The following DDX50 variants were observed in gnomAD, a reference collection of about 807,000 sequenced individuals.
The protein encoded by DDX50 is DExD-box helicase 50.
In DDX50, 56 loss-of-function variants were observed where a neutral mutation model predicts 94.8. The observed-to-expected ratio is 0.59, with a 90% CI of 0.48 to 0.74. The LOEUF (loss-of-function observed/expected upper bound fraction) is 0.74, where lower values mean the gene tolerates loss of function less well. DDX50 is among the 30% of genes least tolerant of loss of function. The pLI, the probability that DDX50 is intolerant of heterozygous loss-of-function variation, is 0.00. For missense variants in DDX50, 713 were observed against 881.2 expected, an observed-to-expected ratio of 0.81 and a Z score of 2.42; for synonymous variants, 264 against 295.4, an observed-to-expected ratio of 0.89 and a Z score of 1.09.
At position 68,941,061 on chromosome 10, in the gene DDX50, G is replaced by A; in HGVS notation, c.1757G>A (p.Gly586Glu). The change falls in exon 13 of 15, where the codon GGG (glycine) becomes GAG (glutamate). Residue 586 changes from glycine to glutamate, a missense_variant and splice_region_variant. Around this residue, in one of 2 missense-constraint regions of DDX50, gnomAD observed 428 missense variants for 602.3 expected, o/e 0.71. Transcript: ENST00000373585. ...EPRSLITSDK[G>E]FVTMTLESLE... Reference sequence around the variant, plus strand: ...ATAATGTGGTTTTTATTCCTTAAGGGGTTTGTGACCATGACTCTGGAAAGC... The same window carrying A: ...ATAATGTGGTTTTTATTCCTTAAGGAGTTTGTGACCATGACTCTGGAAAGC... The A allele has an allele frequency of 6.2e-7, 1 of 1,605,444 alleles. No individual in the cohort carries two copies. Among genetic ancestry groups the A allele is most frequent in the Non-Finnish European group, 8.5e-7 (1 of 1,178,266 alleles).
At chr10:68,904,115 A>G (rs905755570) in intron 1 of DDX50, among the ~76,000 whole-genome samples, 11 of 151,586 alleles carry the variant, frequency 7.3e-5, no homozygotes, top group African/African-American at 2.7e-4. Context: ...TTGCACACCA[A>G]TCTGGGCAAC....
chr10:68,933,319 C>G lies in DDX50; in HGVS notation c.1240-880C>G, dbSNP rs1277522331. ...TCCTGACCTCGGGTGATCTGCCTGT[C>G]TCGGCCTCCCAGAGTGCTGGGATTA... is the stretch of plus-strand genomic sequence containing the variant. On this transcript the variant is annotated intron_variant, in intron 8 of 14. Transcript: ENST00000373585. Among the ~76,000 whole-genome samples the G allele has an allele frequency of 4.6e-5, 7 of 152,098 alleles. No individual in the cohort carries two copies. The East Asian group carries it at 1.3e-3, about 29-fold the overall frequency.
chr10:68,919,581 A>T (rs1489063736), intron 7 of DDX50, among the ~76,000 whole-genome samples: 2 of 152,078 alleles, frequency 1.3e-5, no homozygotes, highest in African/African-American at 4.8e-5. Context: ...ATATTGTTCC[A>T]TGTATATCAG....
At chr10:68,910,098 G>C (rs1326876678) in intron 2 of DDX50, among the ~76,000 whole-genome samples, 1 of 152,040 alleles carries the variant, frequency 6.6e-6, no homozygotes, top group African/African-American at 2.4e-5. Context: ...GCTGAGGTTG[G>C]TAGGATTTGA....
intron 12 of DDX50, 125 bp downstream of exon 12, chr10:68,937,220 C>G: frequency 9.5e-7 from 1 of 1,053,424 alleles, no homozygotes; most frequent in Admixed American, 3.3e-5. Flanking sequence ...AGAAACTGGT[C>G]TCCTTATTTT....
chr10:68,930,358 T>G (rs1359033027), intron 8 of DDX50, among the ~76,000 whole-genome samples: 1 of 152,104 alleles, frequency 6.6e-6, no homozygotes, highest in African/African-American at 2.4e-5. Flanking sequence ...CCTCAGGTAA[T>G]CCACCCGCCT....
intron 8 of DDX50, among the ~76,000 whole-genome samples, chr10:68,929,328 TTTCTTTCC>T (rs1312500573): frequency 6.7e-6 from 1 of 149,156 alleles, no homozygotes; most frequent in Non-Finnish European, 1.5e-5. Context: ...TTTCTCTTTC[TTTCTTTCC>T]TTCCTTCCTT....
At chr10:68,904,783 G>A (rs1242667066) in intron 1 of DDX50, among the ~76,000 whole-genome samples, 1 of 152,212 alleles carries the variant, frequency 6.6e-6, no homozygotes, top group Non-Finnish European at 1.5e-5. Context: ...TTATTTTTCT[G>A]TAGAACCTAT....
chr10:68,936,077 C>A lies in DDX50; in HGVS notation c.1593C>A (p.Ile531=). The change falls in exon 11 of 15, where the codon ATC becomes ATA. Residue 531 remains isoleucine, a splice_region_variant and synonymous_variant. Coordinates refer to ENST00000373585, the MANE Select transcript of DDX50 (RefSeq NM_024045.2). The part of the protein sequence containing the change: ...DLVKSKSMDA[I]RSLASVSYAA... ...TTAAATCTAAAAGCATGGATGCCAT[C>A]AGGTATGCTTTCTGAACTTGCTGAA... 6.2e-7 allele frequency: 1 copy of A among 1,608,400 alleles called. No individual in the cohort carries two copies.
intron 12 of DDX50, 42 bp from the exon 13 acceptor site, chr10:68,941,018 G>A: frequency 1.3e-6 from 2 of 1,585,168 alleles, no homozygotes; most frequent in South Asian, 2.3e-5. Context: ...TTGTACTGCT[G>A]CTGATTTATT....
At position 68,913,583 on chromosome 10, in the gene DDX50, C is replaced by G. The variant is rs1198804269; in HGVS notation, c.943+7C>G. On this transcript the variant is annotated splice_region_variant and intron_variant, in intron 6 of 14. Transcript: ENST00000373585. ...CATGAATCCTACAAAACTGGTATATCCTAATTCAAAATAAGCACATTAGCA... is the reference window on the plus strand; with the variant it reads ...CATGAATCCTACAAAACTGGTATATGCTAATTCAAAATAAGCACATTAGCA... 1 of 1,596,482 alleles carries G rather than the reference C, an allele frequency of 6.3e-7. No homozygotes were observed. The highest frequency in any genetic ancestry group is 1.3e-5 in the African/African-American group (1 of 74,342).
At chr10:68,908,912 C>T (rs1841548119) in intron 2 of DDX50, among the ~76,000 whole-genome samples, 1 of 152,240 alleles carries the variant, frequency 6.6e-6, no homozygotes, top group Middle Eastern at 3.4e-3. Context: ...TCCCAAAGTG[C>T]TGGGATTACA....
At chr10:68,915,639 C>T (rs1168262863) in intron 7 of DDX50, among the ~76,000 whole-genome samples, 1 of 151,434 alleles carries the variant, frequency 6.6e-6, no homozygotes, top group Non-Finnish European at 1.5e-5. Flanking sequence ...TTGCTTGAAC[C>T]CGGGAGGCGG....
chr10:68,946,288 C>G, intron 14 of DDX50, 64 bp from the exon 15 acceptor site: 2 of 1,522,574 alleles, frequency 1.3e-6, no homozygotes, highest in Non-Finnish European at 1.8e-6. Flanking sequence ...TCTTCTTGTA[C>G]TTAACATGTT....
At chr10:68,911,435 T>C (rs1257288561) in intron 4 of DDX50, among the ~76,000 whole-genome samples, 189 bp downstream of exon 4, 2 of 152,228 alleles carry the variant, frequency 1.3e-5, no homozygotes, top group Admixed American at 6.5e-5. Flanking sequence ...TGCATATGAA[T>C]GTGATGTGTA....
At chr10:68,913,032 G>A in intron 4 of DDX50, 130 bp from the exon 5 acceptor site, 1 of 686,756 alleles carries the variant, frequency 1.5e-6, no homozygotes, top group Non-Finnish European at 2.5e-6. Context: ...TATTTGTGAT[G>A]TGTCTTTAAA....
At chr10:68,931,935 A>T (rs1005856972) in intron 8 of DDX50, among the ~76,000 whole-genome samples, 1 of 151,758 alleles carries the variant, frequency 6.6e-6, no homozygotes, top group African/African-American at 2.4e-5. Context: ...TCTACCAGGA[A>T]CTCCCTAGCC....
chr10:68,930,819 A>G (rs1842245088), intron 8 of DDX50, among the ~76,000 whole-genome samples: 1 of 152,188 alleles, frequency 6.6e-6, no homozygotes, highest in South Asian at 2.1e-4. Flanking sequence ...ACAGCTGGCT[A>G]ACTTTTTATT....
chr10:68,937,584 G>GTTTTT (rs11429851), intron 12 of DDX50, among the ~76,000 whole-genome samples: 1 of 120,808 alleles, frequency 8.3e-6, no homozygotes, highest in Non-Finnish European at 1.7e-5. Flanking sequence ...AACTTTATAA[G>GTTTTT]TTTTTTTTTT....
Sources: allele counts gnomAD v4.1 joint callset (sites outside exome capture counted in the v4.1 genomes callset), GRCh38; gene constraint gnomAD v4.1.1; regional missense constraint gnomAD v4.1.1; transcripts MANE v1.5; gene names NCBI Gene and HGNC (gene_info 2026-07-23, HGNC 2026-07-21).